Variants in PDE9A observed in about 807,000 individuals in gnomAD.
PDE9A encodes the protein phosphodiesterase 9A, also known as high affinity cGMP-specific 3',5'-cyclic phosphodiesterase 9A.
A neutral mutation model predicts 87.4 loss-of-function variants in PDE9A; 60 were observed. The observed-to-expected ratio is 0.69, with a 90% CI of 0.56 to 0.85. The LOEUF (loss-of-function observed/expected upper bound fraction) is 0.85. Ranked by LOEUF, PDE9A falls within the 40% of genes least tolerant of loss-of-function variation. The probability of loss-of-function intolerance (pLI) is 0.00; values close to 1 mark genes in which losing one functional copy is unlikely to be tolerated. For missense variants in PDE9A, 665 were observed against 779.0 expected, an observed-to-expected ratio of 0.85 and a Z score of 1.74; for synonymous variants, 272 against 279.4, an observed-to-expected ratio of 0.97 and a Z score of 0.27.
intron 1 of PDE9A, among the ~76,000 whole-genome samples, chr21:42,680,410 G>A (rs2059105823): frequency 6.6e-6 from 1 of 152,258 alleles, no homozygotes; most frequent in African/African-American, 2.4e-5. Context: ...GTGCTGTCAT[G>A]GGTGCAGGGT....
intron 4 of PDE9A, among the ~76,000 whole-genome samples, chr21:42,717,455 C>G (rs1457437086): frequency 6.6e-6 from 1 of 150,424 alleles, no homozygotes; most frequent in Non-Finnish European, 1.5e-5. Flanking sequence ...CATGCCCACC[C>G]AGGCACTCCA....
intron 4 of PDE9A, 81 bp downstream of exon 4, chr21:42,699,092 G>T: frequency 1.1e-6 from 1 of 877,212 alleles, no homozygotes. Flanking sequence ...ATATATACTA[G>T]TTAAGCATTT....
intron 4 of PDE9A, among the ~76,000 whole-genome samples, chr21:42,709,301 G>T (rs1044740407): frequency 2.0e-5 from 3 of 152,134 alleles, no homozygotes; most frequent in African/African-American, 7.2e-5. Context: ...GGGGCCTGTT[G>T]GGAGGGTTGG....
chr21:42,663,696 C>T (rs1601890990), intron 1 of PDE9A, among the ~76,000 whole-genome samples: 1 of 152,320 alleles, frequency 6.6e-6, no homozygotes, highest in South Asian at 2.1e-4. Flanking sequence ...GTCCTCATGC[C>T]AGGCTGAGAC....
intron 17 of PDE9A, among the ~76,000 whole-genome samples, chr21:42,769,486 GCACACAAGGCACGCAGGTACACAT>G (rs2056753560): frequency 2.3e-4 from 2 of 8,862 alleles, no homozygotes; most frequent in Admixed American, 7.4e-4. Flanking sequence ...AGGTACACAT[GCACACAAGGCACGCAGGTACACAT>G]GCACACAAGG....
intron 1 of PDE9A, among the ~76,000 whole-genome samples, chr21:42,661,113 C>T (rs2057450449): frequency 6.6e-6 from 1 of 151,298 alleles, no homozygotes; most frequent in African/African-American, 2.4e-5. Context: ...CTCACTGCAA[C>T]CTCCGCCTCC....
rs538428720 is a variant in PDE9A at position 42,719,480 on chromosome 21, A to T, written c.263-12290A>T. Among the ~76,000 whole-genome samples the T allele has an allele frequency of 2.3e-4, 35 of 150,658 alleles. 1 individual carries two copies. The highest frequency in any genetic ancestry group is 6.6e-4 in the Admixed American group (10 of 15,066). ...TGAAATCCTGTCTCTTCTAAAAAAA[A>T]TTTTGAAAAAATTAGCCGGGTGTGG... On this transcript the variant is annotated intron_variant, in intron 4 of 19. Transcript: ENST00000291539.
intron 3 of PDE9A, among the ~76,000 whole-genome samples, chr21:42,691,778 C>A (rs1743314173): frequency 6.6e-6 from 1 of 151,808 alleles, no homozygotes. Flanking sequence ...TGACCATCAC[C>A]ATCCAAAGTC....
At chr21:42,677,278 G>A (rs533970072) in intron 1 of PDE9A, among the ~76,000 whole-genome samples, 9 of 152,228 alleles carry the variant, frequency 5.9e-5, no homozygotes, top group East Asian at 3.8e-4. Flanking sequence ...AATGTCAGCC[G>A]ATGTAAGCGA....
At chr21:42,706,571 G>A (rs2048852320) in intron 4 of PDE9A, among the ~76,000 whole-genome samples, 1 of 150,048 alleles carries the variant, frequency 6.7e-6, no homozygotes, top group Non-Finnish European at 1.5e-5. Context: ...CTTGAACCTG[G>A]GGGTAGAGGT....
In PDE9A at chr21:42,775,309, T is replaced by C. The variant is rs1338259352; in HGVS notation, c.*16T>C. ...CTGTGCCTGAGGAAAGCGGGGGGCG[T>C]GGCTGCAGTTCTGGACGGGCTGGCC... On this transcript the variant is annotated 3_prime_UTR_variant, in exon 20 of 20. Transcript: ENST00000291539. The C allele has an allele frequency of 6.2e-7, 1 of 1,609,750 alleles. No individual in the cohort carries two copies. Among genetic ancestry groups the C allele is most frequent in the Non-Finnish European group, 8.5e-7 (1 of 1,178,236 alleles).
At chr21:42,735,894 G>A (rs562016717) in intron 7 of PDE9A, among the ~76,000 whole-genome samples, 67 of 152,276 alleles carry the variant, frequency 4.4e-4, no homozygotes, top group South Asian at 1.2e-3. Flanking sequence ...GCACTGGGAG[G>A]CTGGCTCAGC....
intron 4 of PDE9A, among the ~76,000 whole-genome samples, chr21:42,712,854 C>G (rs560903942): frequency 6.6e-6 from 1 of 152,246 alleles, no homozygotes; most frequent in African/African-American, 2.4e-5. Flanking sequence ...GGATTTTGTT[C>G]CAGTACCTTT....
chr21:42,689,829 A>G (rs1176214038), intron 3 of PDE9A: 8 of 985,182 alleles, frequency 8.1e-6, no homozygotes, highest in Non-Finnish European at 9.6e-6. Flanking sequence ...GTACCATGAT[A>G]TGGACATGGC....
chr21:42,737,366 A>G (rs1436388919), intron 7 of PDE9A, among the ~76,000 whole-genome samples: 1 of 152,274 alleles, frequency 6.6e-6, no homozygotes, highest in Non-Finnish European at 1.5e-5. Flanking sequence ...ACGTGCAGAT[A>G]CATTCATATA....
intron 4 of PDE9A, among the ~76,000 whole-genome samples, chr21:42,728,779 C>A (rs1212376539): frequency 6.6e-6 from 1 of 152,066 alleles, no homozygotes; most frequent in East Asian, 1.9e-4. Context: ...GCAGGCAGAT[C>A]ACTTGAGGCC....
intron 1 of PDE9A, among the ~76,000 whole-genome samples, chr21:42,683,228 C>G (rs2059264956): frequency 6.6e-6 from 1 of 152,130 alleles, no homozygotes; most frequent in African/African-American, 2.4e-5. Context: ...GAAAAGAGCC[C>G]TGGAAGCCCT....
At chr21:42,769,653 GGCACACA>G (rs2056819058) in intron 17 of PDE9A, among the ~76,000 whole-genome samples, 2 of 39,860 alleles carry the variant, frequency 5.0e-5, no homozygotes, top group East Asian at 6.5e-4. Context: ...GGGACACACA[GGCACACA>G]TAGGCACACA....
Position 42,655,104 on chromosome 21 carries a change from TCA to T in PDE9A, c.69+1236_69+1237del, listed in dbSNP as rs376727348. On this transcript the variant is annotated intron_variant, in intron 1 of 19. Transcript: ENST00000291539. ...TATGTCACTGCACCAGCATGCACAC[TCA>T]CACACACACACACATGCTCCAATGC... is the stretch of plus-strand genomic sequence containing the variant. Among the ~76,000 whole-genome samples, 1,469 of 150,568 alleles carry T rather than the reference TCA, an allele frequency of 9.8e-3. 28 individuals carry two copies. Among genetic ancestry groups the T allele is most frequent in the African/African-American group, 0.033 (1,376 of 41,172 alleles).
Sources: allele counts gnomAD v4.1 joint callset (sites outside exome capture counted in the v4.1 genomes callset), GRCh38; gene constraint gnomAD v4.1.1; transcripts MANE v1.5; gene names NCBI Gene and HGNC (gene_info 2026-07-23, HGNC 2026-07-21).